ABCD2: variants seen among roughly 807,000 people sequenced by gnomAD.
The protein encoded by ABCD2 is ATP-binding cassette sub-family D member 2.
A neutral mutation model predicts 70.9 loss-of-function variants in ABCD2; 36 were observed. The ratio of observed to expected loss-of-function variants is 0.51; its 90% confidence interval spans 0.39 to 0.67. The LOEUF (loss-of-function observed/expected upper bound fraction) is 0.67. Among genes scored for constraint, ABCD2 ranks in the 30% least tolerant of loss-of-function variants. The pLI is 0.00. For synonymous variants in ABCD2, 304 were observed against 306.9 expected (o/e 0.99, Z 0.10); for missense variants, 729 against 890.2 (o/e 0.82, Z 2.30).
At position 39,572,466 on chromosome 12, in the gene ABCD2, C is replaced by T. The variant is rs375005166; in HGVS notation, c.2003+1250G>A. 2.3e-3 allele frequency among the ~76,000 whole-genome samples: 344 copies of T among 152,218 alleles called. 3 individuals are homozygous for T. The highest frequency in any genetic ancestry group is 8.0e-3 in the African/African-American group (334 of 41,510). On this transcript the variant is annotated intron_variant, in intron 9 of 9. Transcript: ENST00000308666. ...ATATTCATTGGCATGGATCCTAACTCATGCTGGACTAGATCCAGAAAGTAT... is the reference window on the plus strand; with the variant it reads ...ATATTCATTGGCATGGATCCTAACTTATGCTGGACTAGATCCAGAAAGTAT...
intron 9 of ABCD2, among the ~76,000 whole-genome samples, chr12:39,558,295 A>G (rs1043799976): frequency 1.3e-5 from 2 of 152,146 alleles, no homozygotes; most frequent in Admixed American, 6.5e-5. Flanking sequence ...TACCCCCATT[A>G]TATCTAGGAA....
intron 1 of ABCD2, among the ~76,000 whole-genome samples, chr12:39,617,870 T>C (rs1480063437): frequency 6.6e-6 from 1 of 152,204 alleles, no homozygotes; most frequent in Non-Finnish European, 1.5e-5. Flanking sequence ...GCCTTCAAAA[T>C]TTCTGTCATT....
chr12:39,538,040 C>T, the ABCD2 span, among the ~76,000 whole-genome samples: 4 of 152,208 alleles, frequency 2.6e-5, no homozygotes, highest in South Asian at 8.3e-4. Context: ...ATTTACATAG[C>T]GTGTATACTA....
chr12:39,546,049 G>A (rs760253351), downstream of ABCD2, among the ~76,000 whole-genome samples: 4 of 152,126 alleles, frequency 2.6e-5, no homozygotes, highest in Admixed American at 1.3e-4. Context: ...TTAAACCAGT[G>A]AGTTAATTCT....
At chr12:39,607,500 G>T (rs1261611965) in intron 3 of ABCD2, 99 bp downstream of exon 3, 3 of 987,500 alleles carry the variant, frequency 3.0e-6, no homozygotes, top group Non-Finnish European at 4.6e-6. Context: ...GCAGAGAAAA[G>T]ATATGTTTCC....
At position 39,579,580 on chromosome 12, in the gene ABCD2, C is replaced by T; in HGVS notation, c.1832G>A (p.Gly611Glu). 1 of 1,613,144 alleles carries T rather than the reference C, an allele frequency of 6.2e-7. No homozygotes were observed. Among genetic ancestry groups the T allele is most frequent in the Non-Finnish European group, 8.5e-7 (1 of 1,179,470 alleles). The change falls in exon 8 of 10, where the codon GGA (glycine) becomes GAA (glutamate). Residue 611 changes from glycine (G) to glutamate (E), a missense_variant. Physicochemically the swap from Gly to Glu is moderately conservative, Grantham distance 98 (BLOSUM62 -2). Transcript: ENST00000308666. ...AVMDWKDVLS[G>E]GEKQRMGMAR... Reference sequence around the variant, plus strand: ...CATGCCCATTCTTTGCTTTTCCCCTCCTGACAGGACATCTTTCCAGTCCAT... The same window carrying T: ...CATGCCCATTCTTTGCTTTTCCCCTTCTGACAGGACATCTTTCCAGTCCAT...
At position 39,618,777 on chromosome 12, in the gene ABCD2, T is replaced by A; in HGVS notation, c.839A>T (p.Lys280Ile). 6.2e-7 allele frequency: 1 copy of A among 1,614,238 alleles called. No individual in the cohort carries two copies. The stretch of plus-strand genomic sequence containing the variant: ...TCTATGTGCTTCCTCTGCCACCAGT[T>A]TGCCAAATTTGGGAGAACAGGCTTT... ...VLKACSPKFG[K>I]LVAEEAHRKG... is the part of the protein sequence containing the mutation. The change falls in exon 1 of 10, where the codon AAA (lysine) becomes ATA (isoleucine). Residue 280 changes from lysine to isoleucine, a missense_variant. This residue lies in a region of ABCD2 where 195 missense variants were observed against 300.2 expected (regional missense o/e 0.65). Coordinates refer to ENST00000308666, the MANE Select transcript of ABCD2 (RefSeq NM_005164.4).
At chr12:39,541,136 T>C in the ABCD2 span, among the ~76,000 whole-genome samples, 2 of 152,250 alleles carry the variant, frequency 1.3e-5, no homozygotes, top group Non-Finnish European at 2.9e-5. Flanking sequence ...AAACTGATGA[T>C]CTAGTAGTGT....
intron 9 of ABCD2, among the ~76,000 whole-genome samples, chr12:39,556,224 T>C (rs1941162839): frequency 6.6e-6 from 1 of 152,126 alleles, no homozygotes. Flanking sequence ...AAGATGGAGA[T>C]GTTTGACCTG....
At chr12:39,607,524 T>C in intron 3 of ABCD2, 75 bp downstream of exon 3, 1 of 1,216,456 alleles carries the variant, frequency 8.2e-7, no homozygotes, top group African/African-American at 1.5e-5. Flanking sequence ...ATACTAAGTA[T>C]ACTTGGTAAT....
the ABCD2 span, among the ~76,000 whole-genome samples, chr12:39,532,967 G>A: frequency 1.3e-5 from 2 of 151,844 alleles, no homozygotes; most frequent in African/African-American, 2.4e-5. Context: ...ACACCAACCT[G>A]GCCAACGTGG....
Position 39,603,904 on chromosome 12 carries a change from C to A in ABCD2, c.1500+8G>T. The A allele has an allele frequency of 1.3e-6, 2 of 1,588,156 alleles. No individual in the cohort carries two copies. Among genetic ancestry groups the A allele is most frequent in the Middle Eastern group, 1.7e-4 (1 of 5,990 alleles). On this transcript the variant is annotated splice_region_variant and intron_variant, in intron 5 of 9. Transcript: ENST00000308666. Reference sequence around the variant, plus strand: ...CAACAATCAGAAGATTCTTGAATATCATCTTACTTTGAAGTTTAGCCTGGA... The same window carrying A: ...CAACAATCAGAAGATTCTTGAATATAATCTTACTTTGAAGTTTAGCCTGGA...
Position 39,604,774 on chromosome 12 carries a change from A to G in ABCD2, c.1393T>C (p.Leu465=), listed in dbSNP as rs779106459. The part of the protein sequence containing the change: ...AKVELPLSDT[L]AIKGKVIDVD... ...TTGAGTTTAATACCTTTAATTGCCA[A>G]TGTGTCACTGAGAGGTAATTCTACC... Residue 465 remains leucine, a synonymous_variant, in exon 4 of 10, where the codon TTG becomes CTG. Transcript: ENST00000308666. 1.3e-6 allele frequency: 2 copies of G among 1,596,400 alleles called. No individual in the cohort carries two copies. Among genetic ancestry groups the G allele is most frequent in the Admixed American group, 1.8e-5 (1 of 55,148 alleles).
At chr12:39,591,227 A>G (rs1941741702) in intron 6 of ABCD2, among the ~76,000 whole-genome samples, 1 of 152,204 alleles carries the variant, frequency 6.6e-6, no homozygotes. Context: ...TTTTTCATGC[A>G]TAGAAAGAAC....
chr12:39,559,378 CAAAAAA>C (rs199560381), intron 9 of ABCD2, among the ~76,000 whole-genome samples: 3 of 60,378 alleles, frequency 5.0e-5, no homozygotes, highest in South Asian at 8.0e-4. Context: ...ACTCCAGCTC[CAAAAAA>C]AAAAAAAAAA....
intron 3 of ABCD2, among the ~76,000 whole-genome samples, chr12:39,606,824 C>T (rs1281118183): frequency 2.0e-5 from 3 of 152,228 alleles, no homozygotes; most frequent in African/African-American, 7.2e-5. Flanking sequence ...AACCTTGGCC[C>T]TGTGGTATCT....
At chr12:39,568,951 G>A (rs1941403515) in intron 9 of ABCD2, among the ~76,000 whole-genome samples, 1 of 152,142 alleles carries the variant, frequency 6.6e-6, no homozygotes, top group African/African-American at 2.4e-5. Flanking sequence ...AAATATTCCT[G>A]AACAGCCAAT....
chr12:39,617,206 G>A, intron 1 of ABCD2, 38 bp from the exon 2 acceptor site: 1 of 1,370,262 alleles, frequency 7.3e-7, no homozygotes. Context: ...TTTTTTTAAA[G>A]ATATATACAT....
intron 9 of ABCD2, among the ~76,000 whole-genome samples, chr12:39,565,222 T>A (rs1487054773): frequency 6.6e-6 from 1 of 152,198 alleles, no homozygotes; most frequent in Non-Finnish European, 1.5e-5. Flanking sequence ...CTTTGGGCAG[T>A]ATGGCCATTT....
Sources: gnomAD v4.1 joint callset for allele counts (sites outside exome capture counted in the v4.1 genomes callset) on GRCh38, gnomAD v4.1.1 for gene constraint, gnomAD v4.1.1 regional missense constraint, MANE v1.5 for transcripts, NCBI Gene and HGNC (gene_info 2026-07-23, HGNC 2026-07-21) for gene names.